DRC9: variants seen among roughly 807,000 people sequenced by gnomAD.
DRC9 encodes the protein dynein regulatory complex protein 9.
At chr3:197,909,232 T>G in the DRC9 span, among the ~76,000 whole-genome samples, 1 of 152,042 alleles carries the variant, frequency 6.6e-6, no homozygotes, top group Non-Finnish European at 1.5e-5. Flanking sequence ...CAACCAATAA[T>G]AGAAAAAGGA....
At chr3:197,900,807 G>C in the DRC9 span, among the ~76,000 whole-genome samples, 2,889 of 152,332 alleles carry the variant, frequency 0.019, 120 homozygotes, top group African/African-American at 0.066. The surrounding 1 kb of genome is among the most constrained non-coding windows in gnomAD (Gnocchi z 4.7). Context: ...CCAGGCCTTA[G>C]CTCCTGGGTG....
chr3:197,925,511 G>A, the DRC9 span, among the ~76,000 whole-genome samples: 1 of 151,814 alleles, frequency 6.6e-6, no homozygotes, highest in African/African-American at 2.4e-5. Flanking sequence ...GGGGGTTGGG[G>A]TCTCGCAGGG....
At chr3:197,889,516 CTT>C in the DRC9 span, 1 of 1,593,762 alleles carries the variant, frequency 6.3e-7, no homozygotes, top group Non-Finnish European at 8.6e-7. Flanking sequence ...CCAGGTGTTT[CTT>C]AACTCTCTCC....
chr3:197,904,110 A>ATAT, the DRC9 span, among the ~76,000 whole-genome samples: 1 of 80,832 alleles, frequency 1.2e-5, no homozygotes, highest in Non-Finnish European at 2.3e-5. Flanking sequence ...ATATATATAT[A>ATAT]TTTTTTTTTT....
At chr3:197,892,630 T>C in the DRC9 span, 1 of 1,614,130 alleles carries the variant, frequency 6.2e-7, no homozygotes, top group South Asian at 1.1e-5. Flanking sequence ...TTCCTTACCA[T>C]CTTTGCCAGG....
chr3:197,951,068 TTGCTC>T, the DRC9 span: 1 of 1,602,094 alleles, frequency 6.2e-7, no homozygotes, highest in Admixed American at 1.7e-5. Context: ...ACTTAGATGT[TTGCTC>T]TGAGTAACTT....
At chr3:197,953,913 A>T in the DRC9 span, 1 of 1,335,926 alleles carries the variant, frequency 7.5e-7, no homozygotes, top group Non-Finnish European at 1.1e-6. Context: ...GTGGGTAACC[A>T]GGGTTGAGAG....
the DRC9 span, among the ~76,000 whole-genome samples, chr3:197,945,074 G>A: frequency 6.6e-6 from 1 of 152,170 alleles, no homozygotes; most frequent in Non-Finnish European, 1.5e-5. Flanking sequence ...TAGTGTTAAC[G>A]CCTCTGTGTA....
chr3:197,903,938 T>C, the DRC9 span, among the ~76,000 whole-genome samples: 2 of 150,774 alleles, frequency 1.3e-5, no homozygotes, highest in East Asian at 3.9e-4. Context: ...AGTGAGATCT[T>C]GTCTCTCTCT....
At chr3:197,940,324 T>TAA in the DRC9 span, among the ~76,000 whole-genome samples, 9 of 145,182 alleles carry the variant, frequency 6.2e-5, no homozygotes, top group East Asian at 2.0e-4. Context: ...TATATATATA[T>TAA]AATAATATAT....
the DRC9 span, among the ~76,000 whole-genome samples, chr3:197,952,187 TTG>T: frequency 6.5e-5 from 9 of 137,752 alleles, no homozygotes; most frequent in East Asian, 2.0e-4. Context: ...TTTTTTTTTT[TTG>T]GAGACGGAGT....
the DRC9 span, among the ~76,000 whole-genome samples, chr3:197,918,258 C>CTTTT: frequency 2.8e-3 from 168 of 60,212 alleles, no homozygotes; most frequent in Non-Finnish European, 3.5e-3. Context: ...TAATTTTTTG[C>CTTTT]TTTTTTTTTT....
chr3:197,939,979 G>A, the DRC9 span, among the ~76,000 whole-genome samples: 1 of 151,970 alleles, frequency 6.6e-6, no homozygotes, highest in African/African-American at 2.4e-5. Context: ...CGAGCTAAGT[G>A]TTCTAGTTGA....
At chr3:197,900,912 C>A in the DRC9 span, among the ~76,000 whole-genome samples, 3 of 152,310 alleles carry the variant, frequency 2.0e-5, no homozygotes, top group Middle Eastern at 3.4e-3. The surrounding 1 kb of genome is among the most constrained non-coding windows in gnomAD (Gnocchi z 4.7). Context: ...GACGAAAGAG[C>A]CCCCGGGCCC....
At chr3:197,918,912 G>C in the DRC9 span, among the ~76,000 whole-genome samples, 1 of 151,920 alleles carries the variant, frequency 6.6e-6, no homozygotes, top group African/African-American at 2.4e-5. Flanking sequence ...AGGTTCAAGC[G>C]ATTCTCCTGC....
At chr3:197,934,823 TAA>T in the DRC9 span, among the ~76,000 whole-genome samples, 8 of 89,112 alleles carry the variant, frequency 9.0e-5, no homozygotes, top group Admixed American at 1.3e-4. Context: ...TCACAAAAAT[TAA>T]AAAAAAAAAA....
chr3:197,892,365 C>T, the DRC9 span, among the ~76,000 whole-genome samples: 26 of 152,330 alleles, frequency 1.7e-4, no homozygotes, highest in East Asian at 4.2e-3. Context: ...GTAGGCACTA[C>T]GTAAGTTAGC....
the DRC9 span, among the ~76,000 whole-genome samples, chr3:197,945,988 G>A: frequency 1.3e-5 from 2 of 152,114 alleles, no homozygotes; most frequent in Non-Finnish European, 2.9e-5. Flanking sequence ...TTATATCACC[G>A]ATTTTTAATT....
the DRC9 span, chr3:197,938,485 G>GCGCCCCTT: frequency 8.4e-7 from 1 of 1,187,890 alleles, no homozygotes; most frequent in Admixed American, 1.7e-5. Context: ...AGCCACCTGG[G>GCGCCCCTT]CGCCCCTTCG....
Sources: gnomAD v4.1 joint callset for allele counts (sites outside exome capture counted in the v4.1 genomes callset) on GRCh38, gnomAD v4.1.1 for gene constraint, Gnocchi (gnomAD v3.1) non-coding constraint, MANE v1.5 for transcripts, NCBI Gene and HGNC (gene_info 2026-07-23, HGNC 2026-07-21) for gene names.